EXOC2: variants seen among roughly 807,000 people sequenced by gnomAD.
The protein encoded by EXOC2 is exocyst complex component 2.
Under a neutral mutation model 131.8 loss-of-function variants are expected in EXOC2, and 70 were observed. The ratio of observed to expected loss-of-function variants is 0.53; its 90% CI spans 0.44 to 0.65. EXOC2 has a LOEUF of 0.65. Ranked by LOEUF, EXOC2 falls within the 30% of genes least tolerant of loss-of-function variation. The pLI, the probability that EXOC2 is intolerant of heterozygous loss-of-function variation, is 0.00. For synonymous variants in EXOC2, 411 were observed against 398.4 expected, an observed-to-expected ratio of 1.03 and a Z score of -0.38; for missense variants, 923 against 1,108.6, an observed-to-expected ratio of 0.83 and a Z score of 2.38.
chr6:633,016 T>A lies in EXOC2; in HGVS notation c.220A>T (p.Ile74Phe). The A allele has an allele frequency of 6.2e-7, 1 of 1,614,204 alleles. No individual in the cohort carries two copies. Reference sequence around the variant, plus strand: ...CCACCTGACTTAGTGGTGACAATAATGTCTCCTTTGTCATTTTTGGCTTGT... The same window carrying A: ...CCACCTGACTTAGTGGTGACAATAAAGTCTCCTTTGTCATTTTTGGCTTGT... Reference protein sequence around the residue: ...VGQAKNDKGDIIVTTKSGGRG... With the variant: ...VGQAKNDKGDFIVTTKSGGRG... The change falls in exon 3 of 28, where the codon ATT becomes TTT. Residue 74 changes from isoleucine to phenylalanine, a missense_variant. Ile to Phe is a conservative substitution (Grantham distance 21). Coordinates refer to ENST00000230449, the MANE Select transcript of EXOC2 (RefSeq NM_018303.6).
chr6:647,637 T>A (rs1465934758), intron 1 of EXOC2, among the ~76,000 whole-genome samples: 2 of 127,950 alleles, frequency 1.6e-5, no homozygotes, highest in African/African-American at 2.9e-5. Flanking sequence ...ACCTTCATTG[T>A]GTCTCCAGTG....
intron 22 of EXOC2, among the ~76,000 whole-genome samples, chr6:538,844 C>T (rs1029266328): frequency 1.3e-5 from 2 of 151,980 alleles, no homozygotes; most frequent in East Asian, 1.9e-4. Flanking sequence ...GAGGCTGAGG[C>T]GGGTGGATCA....
rs185401829 is a variant in EXOC2, at chr6:502,556, G to A, written c.2381-2856C>T. Among the ~76,000 whole-genome samples the A allele has an allele frequency of 2.6e-4, 40 of 152,108 alleles. No homozygotes were observed. In the East Asian group the frequency reaches 5.4e-3, roughly 21 times the overall value. The stretch of plus-strand genomic sequence containing the variant: ...CTAAGCATTACTAATAAGACACCCC[G>A]TAAAAGAGGTGAAGTGTAAACTGCT... On this transcript the variant is annotated intron_variant, in intron 23 of 27. Coordinates refer to ENST00000230449, the MANE Select transcript of EXOC2 (RefSeq NM_018303.6).
Position 646,234 on chromosome 6 carries a change from T to C in EXOC2, c.-43-8373A>G, listed in dbSNP as rs147124535. 3.0e-3 allele frequency among the ~76,000 whole-genome samples: 458 copies of C among 152,338 alleles called. 3 individuals carry two copies. The highest frequency in any genetic ancestry group is 0.01 in the African/African-American group (420 of 41,592). ...TGTATTATAATATAAGAGAATGTCCTTATTCTTAATAACTACATACTGAAG... is the reference window on the plus strand; with the variant it reads ...TGTATTATAATATAAGAGAATGTCCCTATTCTTAATAACTACATACTGAAG... On this transcript the variant is annotated intron_variant, in intron 1 of 27. Transcript: ENST00000230449.
chr6:611,742 A>C (rs1395517315), intron 6 of EXOC2, among the ~76,000 whole-genome samples: 1 of 152,236 alleles, frequency 6.6e-6, no homozygotes, highest in Non-Finnish European at 1.5e-5. Context: ...AGAATAACTC[A>C]ATAAGCAACT....
chr6:631,554 GA>G (rs925262252), intron 3 of EXOC2, among the ~76,000 whole-genome samples: 64 of 139,310 alleles, frequency 4.6e-4, no homozygotes, highest in Non-Finnish European at 6.8e-4. Flanking sequence ...AAAACAAAAA[GA>G]AAAAAAAAAA....
Position 671,846 on chromosome 6 carries a change from C to T in EXOC2, c.-44+21173G>A, listed in dbSNP as rs182368807. Among the ~76,000 whole-genome samples the T allele has an allele frequency of 6.5e-3, 996 of 152,166 alleles. 8 individuals carry two copies. Among genetic ancestry groups the T allele is most frequent in the Middle Eastern group, 0.01 (3 of 294 alleles). ...CCCCAACCCCAGCTTCCTTCAGTAT[C>T]CTTCAGTATTTTTTATATTTTTCTA... On this transcript the variant is annotated intron_variant, in intron 1 of 27. Coordinates refer to ENST00000230449, the MANE Select transcript of EXOC2 (RefSeq NM_018303.6).
intron 21 of EXOC2, among the ~76,000 whole-genome samples, chr6:552,980 C>T (rs1252281840): frequency 6.6e-6 from 1 of 152,130 alleles, no homozygotes; most frequent in Non-Finnish European, 1.5e-5. Context: ...CACAGTGGAG[C>T]CATCTTGGCT....
At chr6:505,507 A>G (rs891541659) in intron 23 of EXOC2, among the ~76,000 whole-genome samples, 4 of 152,206 alleles carry the variant, frequency 2.6e-5, no homozygotes, top group African/African-American at 9.7e-5. Flanking sequence ...ACAACATTTA[A>G]GTGGAATAAC....
chr6:635,139 G>A (rs752078115), intron 2 of EXOC2, among the ~76,000 whole-genome samples: 2 of 152,114 alleles, frequency 1.3e-5, no homozygotes, highest in South Asian at 2.1e-4. Context: ...AACAATTAAC[G>A]TCAGGTAGCA....
At chr6:606,310 T>C (rs922395237) in intron 7 of EXOC2, among the ~76,000 whole-genome samples, 10 of 152,094 alleles carry the variant, frequency 6.6e-5, no homozygotes, top group African/African-American at 2.4e-4. Context: ...GAGATATACC[T>C]AATGTAAATG....
In EXOC2 at chr6:630,000, C is replaced by CT. The variant is rs748897231; in HGVS notation, c.296-40dup. On this transcript the variant is annotated intron_variant, in intron 3 of 27. Coordinates refer to ENST00000230449, the MANE Select transcript of EXOC2 (RefSeq NM_018303.6). ...GAGCATATGCTTAATAAGATGAAGCCTACCCCAGGCACCTTCTACGTCTGG... is the reference window on the plus strand; with the variant it reads ...GAGCATATGCTTAATAAGATGAAGCCTTACCCCAGGCACCTTCTACGTCTGG... The CT allele has an allele frequency of 1.1e-5, 18 of 1,608,726 alleles. No individual in the cohort carries two copies. In the African/African-American group the frequency reaches 2.1e-4, roughly 19 times the overall value.
intron 1 of EXOC2, chr6:655,841 T>C (rs930715729): frequency 1.3e-5 from 4 of 316,610 alleles, no homozygotes; most frequent in East Asian, 5.9e-5. Flanking sequence ...AACCCTGTTT[T>C]TCCCCCCCGA....
At chr6:660,444 G>A (rs561346505) in intron 1 of EXOC2, among the ~76,000 whole-genome samples, 13 of 152,206 alleles carry the variant, frequency 8.5e-5, no homozygotes, top group East Asian at 3.9e-4. Flanking sequence ...TCACATTCAC[G>A]GCTGAGAGAC....
At chr6:626,888 C>T (rs536648099) in intron 4 of EXOC2, among the ~76,000 whole-genome samples, 1 of 152,160 alleles carries the variant, frequency 6.6e-6, no homozygotes, top group Non-Finnish European at 1.5e-5. Flanking sequence ...CCACCACGCC[C>T]GGCCGCAAAC....
intron 1 of EXOC2, among the ~76,000 whole-genome samples, chr6:682,458 T>C (rs4960183): frequency 0.13 from 20,081 of 151,962 alleles, 1,429 homozygotes; most frequent in African/African-American, 0.17. Context: ...CCTTGGCCTC[T>C]CAAAGTGCTG....
chr6:592,497 G>A lies in EXOC2; in HGVS notation c.1164C>T (p.Cys388=), dbSNP rs763875641. Residue 388 remains cysteine, a synonymous_variant, in exon 11 of 28, where the codon TGC becomes TGT. Transcript: ENST00000230449. ...TCAGATCTTTCACGTAGCCCTCTTT[G>A]CAACTGTGCATGAGCTGAAGGATCC... The part of the protein sequence containing the change: ...HKWILQLMHS[C]KEGYVKDLKG... 1 of 1,613,946 alleles carries A rather than the reference G, an allele frequency of 6.2e-7. No individual in the cohort carries two copies. Among genetic ancestry groups the A allele is most frequent in the South Asian group, 1.1e-5 (1 of 91,084 alleles).
chr6:553,957 A>G (rs1192430513), intron 20 of EXOC2, 37 bp from the exon 21 acceptor site: 1 of 1,543,854 alleles, frequency 6.5e-7, no homozygotes, highest in East Asian at 2.2e-5. Context: ...TTACAAATAA[A>G]GCACTCAAAT....
At chr6:676,933 C>T (rs1366672127) in intron 1 of EXOC2, among the ~76,000 whole-genome samples, 1 of 89,202 alleles carries the variant, frequency 1.1e-5, no homozygotes, top group Non-Finnish European at 2.7e-5. Flanking sequence ...ACAGAAAGGA[C>T]AGGTTCCTCT....
Sources: gnomAD v4.1 joint callset for allele counts (sites outside exome capture counted in the v4.1 genomes callset) on GRCh38, gnomAD v4.1.1 for gene constraint, MANE v1.5 for transcripts, NCBI Gene and HGNC (gene_info 2026-07-23, HGNC 2026-07-21) for gene names.